RPRD2: variants seen among roughly 807,000 people sequenced by gnomAD.
RPRD2 encodes regulation of nuclear pre-mRNA domain containing 2, also known as regulation of nuclear pre-mRNA domain-containing protein 2.
Under a neutral mutation model 104.4 loss-of-function variants are expected in RPRD2, and 12 were observed. The observed-to-expected ratio is 0.11, with a 90% confidence interval of 0.07 to 0.19. The LOEUF (loss-of-function observed/expected upper bound fraction) is 0.19. Ranked by LOEUF, RPRD2 falls within the 10% of genes least tolerant of loss-of-function variation. The pLI is 1.00. For missense variants in RPRD2, 1,543 were observed against 1,790.1 expected (o/e 0.86, Z 2.49); for synonymous variants, 714 against 684.9 (o/e 1.04, Z -0.66).
chr1:150,413,667 C>T (rs1207965208), intron 1 of RPRD2, among the ~76,000 whole-genome samples: 6 of 146,222 alleles, frequency 4.1e-5, no homozygotes, highest in Admixed American at 3.4e-4. Flanking sequence ...GGCTCATGTT[C>T]GTAATCTCAG....
chr1:150,399,783 C>T (rs908573847), intron 1 of RPRD2, among the ~76,000 whole-genome samples: 13 of 151,736 alleles, frequency 8.6e-5, no homozygotes, highest in East Asian at 1.9e-4. Context: ...TGATTGCCCA[C>T]GTATATATAT....
At chr1:150,467,613 A>T (rs917183184) in intron 10 of RPRD2, among the ~76,000 whole-genome samples, 7 of 152,028 alleles carry the variant, frequency 4.6e-5, no homozygotes, top group Admixed American at 3.3e-4. Context: ...ACCTCACGTG[A>T]TCCACCTGCC....
chr1:150,408,268 G>A (rs1386095313), intron 1 of RPRD2, among the ~76,000 whole-genome samples: 3 of 145,282 alleles, frequency 2.1e-5, no homozygotes, highest in African/African-American at 5.2e-5. Context: ...AGGTTCAAGC[G>A]ATTCTCCTGC....
intron 7 of RPRD2, among the ~76,000 whole-genome samples, chr1:150,456,416 A>G (rs1667527828): frequency 6.6e-6 from 1 of 152,044 alleles, no homozygotes; most frequent in Non-Finnish European, 1.5e-5. Flanking sequence ...GACAGATGAT[A>G]TATTATCTTG....
At position 150,470,880 on chromosome 1, in the gene RPRD2, T is replaced by G. The variant is rs1668544548; in HGVS notation, c.1932T>G (p.Thr644=). ...ATACTAGCCCTGCTGCCCCACCTAC[T>G]GAAGTTACCATCTGCCAATCTTCAG... ...THNTSPAAPP[T]EVTICQSSEV... The change falls in exon 11 of 11, where the codon ACT becomes ACG. Residue 644 remains threonine (T), a synonymous_variant. Coordinates refer to ENST00000369068, the MANE Select transcript of RPRD2 (RefSeq NM_015203.5). The G allele has an allele frequency of 6.2e-7, 1 of 1,613,984 alleles. No individual in the cohort carries two copies. Among genetic ancestry groups the G allele is most frequent in the South Asian group, 1.1e-5 (1 of 91,088 alleles).
chr1:150,383,306 GTTTTTTT>G (rs1553881149), intron 1 of RPRD2, among the ~76,000 whole-genome samples: 1 of 126,740 alleles, frequency 7.9e-6, no homozygotes, highest in Non-Finnish European at 1.6e-5. Context: ...CAAATAAGAG[GTTTTTTT>G]TTTTTTTTTT....
rs1255722040 is a variant in RPRD2 at position 150,444,249 on chromosome 1, A to G, written c.568-2A>G. 6.2e-7 allele frequency: 1 copy of G among 1,611,922 alleles called. No homozygotes were observed. Among genetic ancestry groups the G allele is most frequent in the Non-Finnish European group, 8.5e-7 (1 of 1,179,086 alleles). ...TGAAATATGACTCTGGTCTGTGTTTAGTCTCAGGCCCTAATTGAAGAGCTG... is the reference window on the plus strand; with the variant it reads ...TGAAATATGACTCTGGTCTGTGTTTGGTCTCAGGCCCTAATTGAAGAGCTG... On this transcript the variant is annotated splice_acceptor_variant, in intron 5 of 10. Transcript: ENST00000369068. LOFTEE classifies it high-confidence loss of function.
intron 1 of RPRD2, among the ~76,000 whole-genome samples, chr1:150,409,647 C>CCTT (rs2102248174): frequency 8.7e-6 from 1 of 114,612 alleles, no homozygotes; most frequent in Non-Finnish European, 1.7e-5. Context: ...TGTTGCAATT[C>CCTT]TTTTTTTTTT....
intron 2 of RPRD2, among the ~76,000 whole-genome samples, chr1:150,431,773 G>A (rs183980079): frequency 3.9e-5 from 6 of 152,014 alleles, no homozygotes; most frequent in South Asian, 2.1e-4. Flanking sequence ...GAGCCACTGC[G>A]CCCGGCCAAA....
At chr1:150,370,777 T>G (rs1439030657) in intron 1 of RPRD2, among the ~76,000 whole-genome samples, 1 of 152,028 alleles carries the variant, frequency 6.6e-6, no homozygotes, top group Non-Finnish European at 1.5e-5. Flanking sequence ...GGTTTTGCCA[T>G]GTTTGCCAGT....
At chr1:150,399,567 G>A (rs1352266422) in intron 1 of RPRD2, among the ~76,000 whole-genome samples, 1 of 151,948 alleles carries the variant, frequency 6.6e-6, no homozygotes, top group Non-Finnish European at 1.5e-5. Flanking sequence ...GACCAGCCTG[G>A]CCAACATGGT....
chr1:150,433,439 ATTTTTT>A (rs58544799), intron 2 of RPRD2, among the ~76,000 whole-genome samples: 3 of 90,396 alleles, frequency 3.3e-5, no homozygotes, highest in African/African-American at 4.6e-5. Context: ...CACAGACATA[ATTTTTT>A]TTTTTTTTTT....
chr1:150,456,653 G>A (rs1279718531), intron 7 of RPRD2, among the ~76,000 whole-genome samples: 10 of 151,780 alleles, frequency 6.6e-5, no homozygotes, highest in Non-Finnish European at 1.2e-4. Flanking sequence ...AGCCGAGCAC[G>A]GTGACTCAAG....
Position 150,472,683 on chromosome 1 carries a change from A to G in RPRD2, c.3735A>G (p.Thr1245=). ...CTGTGGATCTTTCGAACCCCTTCACAAAGGAGGCAGCCCTGGCCCATGCTG... is the reference window on the plus strand; with the variant it reads ...CTGTGGATCTTTCGAACCCCTTCACGAAGGAGGCAGCCCTGGCCCATGCTG... ...LPSVDLSNPF[T]KEAALAHAAP... Residue 1245 remains threonine (T), a synonymous_variant, in exon 11 of 11, where the codon ACA becomes ACG. Coordinates refer to ENST00000369068, the MANE Select transcript of RPRD2 (RefSeq NM_015203.5). 1 of 1,613,794 alleles carries G rather than the reference A, an allele frequency of 6.2e-7. No individual in the cohort carries two copies. The highest frequency in any genetic ancestry group is 1.1e-5 in the South Asian group (1 of 91,074).
At position 150,419,803 on chromosome 1, in the gene RPRD2, A is replaced by G. The variant is rs371727594; in HGVS notation, c.335+2078A>G. On this transcript the variant is annotated intron_variant, in intron 2 of 10. Coordinates refer to ENST00000369068, the MANE Select transcript of RPRD2 (RefSeq NM_015203.5). Reference sequence around the variant, plus strand: ...CGCCACCACGCCCAGCTAATTTTGTATTTTTAGTAGAGACGGGTTTCTCCA... The same window carrying G: ...CGCCACCACGCCCAGCTAATTTTGTGTTTTTAGTAGAGACGGGTTTCTCCA... Among the ~76,000 whole-genome samples the G allele has an allele frequency of 4.6e-5, 7 of 152,092 alleles. No homozygotes were observed. In the East Asian group the frequency reaches 5.8e-4, roughly 13 times the overall value.
At chr1:150,466,152 G>C (rs1668256985) in intron 10 of RPRD2, among the ~76,000 whole-genome samples, 2 of 152,168 alleles carry the variant, frequency 1.3e-5, no homozygotes, top group African/African-American at 4.8e-5. Flanking sequence ...GCTGAGGCAG[G>C]CGGATCATGA....
At chr1:150,434,302 G>A (rs975701022) in intron 2 of RPRD2, among the ~76,000 whole-genome samples, 8 of 152,300 alleles carry the variant, frequency 5.3e-5, no homozygotes, top group African/African-American at 1.9e-4. Context: ...GTTGCAATGA[G>A]TTGAGATCGT....
chr1:150,383,314 T>G (rs975336895), intron 1 of RPRD2, among the ~76,000 whole-genome samples: 5 of 149,794 alleles, frequency 3.3e-5, no homozygotes, highest in South Asian at 2.1e-4. Context: ...AGGTTTTTTT[T>G]TTTTTTTTTT....
At chr1:150,450,097 G>C (rs1325653386) in intron 7 of RPRD2, among the ~76,000 whole-genome samples, 1 of 152,062 alleles carries the variant, frequency 6.6e-6, no homozygotes, top group Non-Finnish European at 1.5e-5. Flanking sequence ...TTCTAGAATT[G>C]CCACTGAATT....
Sources: gnomAD v4.1 joint callset for allele counts (sites outside exome capture counted in the v4.1 genomes callset) on GRCh38, gnomAD v4.1.1 for gene constraint, MANE v1.5 for transcripts, NCBI Gene and HGNC (gene_info 2026-07-23, HGNC 2026-07-21) for gene names.